The following WWOX variants were observed in gnomAD, a reference collection of about 807,000 sequenced individuals.
The protein encoded by WWOX is WW domain containing oxidoreductase.
A neutral mutation model predicts 46.2 loss-of-function variants in WWOX; 69 were observed. That is an observed-to-expected ratio of 1.49 (90% CI 1.23 to 1.82). The LOEUF (loss-of-function observed/expected upper bound fraction) is 1.82, where lower values mean the gene tolerates loss of function less well. Among genes scored for constraint, WWOX ranks in the 40% most tolerant of loss-of-function variants. The pLI, the probability that WWOX is intolerant of heterozygous loss-of-function variation, is 0.00. For synonymous variants in WWOX, 359 were observed against 202.6 expected (o/e 1.77, Z -6.56); for missense variants, 919 against 542.6 (o/e 1.69, Z -6.89).
At chr16:78,911,013 A>T (rs113959021) in intron 8 of WWOX, among the ~76,000 whole-genome samples, 4 of 151,954 alleles carry the variant, frequency 2.6e-5, no homozygotes, top group Non-Finnish European at 4.4e-5. Context: ...ATTAAAAATA[A>T]ATTAAAAAAA....
At chr16:79,106,638 C>T (rs2049314212) in intron 8 of WWOX, 1 of 112,836 alleles carries the variant, frequency 8.9e-6, no homozygotes, top group East Asian at 2.4e-4. Flanking sequence ...GGTTCTGTCA[C>T]CCAGGTTGGA....
At chr16:78,828,721 A>T (rs1013507093) in intron 8 of WWOX, among the ~76,000 whole-genome samples, 11 of 152,136 alleles carry the variant, frequency 7.2e-5, no homozygotes, top group African/African-American at 2.7e-4. Context: ...AATCGTAGTT[A>T]GCAATATCGT....
intron 8 of WWOX, among the ~76,000 whole-genome samples, chr16:79,002,744 AC>A (rs1450734119): frequency 6.6e-6 from 1 of 151,112 alleles, no homozygotes; most frequent in Admixed American, 6.6e-5. Context: ...CTTAGTTTTC[AC>A]CCGGGTTCTC....
intron 8 of WWOX, among the ~76,000 whole-genome samples, chr16:79,178,223 G>T (rs770141818): frequency 1.3e-5 from 2 of 152,184 alleles, no homozygotes; most frequent in Non-Finnish European, 2.9e-5. Context: ...ATGAACAAGT[G>T]ACTATTTGCT....
intron 8 of WWOX, among the ~76,000 whole-genome samples, chr16:78,918,340 C>T (rs761466322): frequency 6.6e-6 from 1 of 152,122 alleles, no homozygotes; most frequent in Non-Finnish European, 1.5e-5. Context: ...TTCTCTCTTC[C>T]TTTTCCTAAG....
chr16:78,949,622 C>A (rs1367251272), intron 8 of WWOX, among the ~76,000 whole-genome samples: 1 of 152,222 alleles, frequency 6.6e-6, no homozygotes. Context: ...CATTTCTGTT[C>A]TTTTAATCCA....
At chr16:78,172,816 A>C (rs990570646) in intron 5 of WWOX, among the ~76,000 whole-genome samples, 1 of 152,172 alleles carries the variant, frequency 6.6e-6, no homozygotes, top group Non-Finnish European at 1.5e-5. Context: ...TTATTAAGCA[A>C]TTTTGACATA....
At chr16:78,485,649 G>C in intron 8 of WWOX, among the ~76,000 whole-genome samples, 1 of 152,184 alleles carries the variant, frequency 6.6e-6, no homozygotes, top group East Asian at 1.9e-4. Context: ...TGCCCGCCGC[G>C]TGAAGGACAT....
At chr16:78,336,937 C>T (rs536808983) in intron 5 of WWOX, among the ~76,000 whole-genome samples, 7 of 152,008 alleles carry the variant, frequency 4.6e-5, no homozygotes, top group Admixed American at 2.6e-4. Context: ...CGCCACCATG[C>T]CCGGCTAATT....
intron 6 of WWOX, among the ~76,000 whole-genome samples, chr16:78,417,040 G>GGTGGGTGTGTGTGTGT (rs1555535316): frequency 0.011 from 1,662 of 151,376 alleles, 22 homozygotes; most frequent in African/African-American, 0.038. Context: ...ACCCTTTGGG[G>GGTGGGTGTGTGTGTGT]GTGTGTGTGT....
chr16:78,579,129 T>C (rs991114983), intron 8 of WWOX, among the ~76,000 whole-genome samples: 6 of 152,210 alleles, frequency 3.9e-5, no homozygotes, highest in African/African-American at 7.2e-5. Flanking sequence ...TGTTTCTAGT[T>C]ATTGTGGGTG....
At chr16:79,196,759 G>A in intron 8 of WWOX, among the ~76,000 whole-genome samples, 1 of 151,990 alleles carries the variant, frequency 6.6e-6, no homozygotes, top group East Asian at 1.9e-4. Flanking sequence ...GTTACAACAT[G>A]TAGATTTCAC....
At chr16:78,168,965 G>A (rs766577269) in intron 5 of WWOX, among the ~76,000 whole-genome samples, 1 of 152,014 alleles carries the variant, frequency 6.6e-6, no homozygotes, top group Non-Finnish European at 1.5e-5. Context: ...AGGATAACAT[G>A]GACAGTACAG....
At chr16:78,313,830 T>G (rs920900957) in intron 5 of WWOX, among the ~76,000 whole-genome samples, 1 of 152,194 alleles carries the variant, frequency 6.6e-6, no homozygotes, top group Non-Finnish European at 1.5e-5. Context: ...CCTTCCTGTT[T>G]AAGGAGCTCA....
At chr16:78,254,618 A>T (rs1266319884) in intron 5 of WWOX, among the ~76,000 whole-genome samples, 2 of 144,704 alleles carry the variant, frequency 1.4e-5, no homozygotes, top group African/African-American at 5.2e-5. Flanking sequence ...TGATCCTCCC[A>T]CCTCAGCCTC....
chr16:78,595,743 C>G (rs776783928), intron 8 of WWOX, among the ~76,000 whole-genome samples: 2 of 152,304 alleles, frequency 1.3e-5, no homozygotes, highest in South Asian at 2.1e-4. Flanking sequence ...TAATGATTGA[C>G]TCAAGATAAT....
chr16:78,380,444 A>C (rs77744336), intron 5 of WWOX, among the ~76,000 whole-genome samples: 1,591 of 152,250 alleles, frequency 0.01, 34 homozygotes, highest in Non-Finnish European at 1.0e-2. Flanking sequence ...CTGTGGGGCA[A>C]GGACTGAAAT....
chr16:79,095,227 C>T (rs971083592), intron 8 of WWOX, among the ~76,000 whole-genome samples: 2 of 151,488 alleles, frequency 1.3e-5, no homozygotes, highest in African/African-American at 2.4e-5. Context: ...ACAGGGCTTT[C>T]TCCCTCTGGC....
At chr16:78,676,679 T>C (rs534128906) in intron 8 of WWOX, among the ~76,000 whole-genome samples, 2 of 152,170 alleles carry the variant, frequency 1.3e-5, no homozygotes, top group African/African-American at 2.4e-5. Context: ...TGAAGAAACA[T>C]TGCTTTTATT....
Sources: gnomAD v4.1 joint callset for allele counts (sites outside exome capture counted in the v4.1 genomes callset) on GRCh38, gnomAD v4.1.1 for gene constraint, MANE v1.5 for transcripts, NCBI Gene and HGNC (gene_info 2026-07-23, HGNC 2026-07-21) for gene names.